Variants in CC2D2A observed in about 807,000 individuals in gnomAD.
CC2D2A encodes the protein coiled-coil and C2 domain containing 2A, also known as coiled-coil and C2 domain-containing protein 2A.
In CC2D2A, 155 loss-of-function variants were observed where a neutral mutation model predicts 212.9. The observed-to-expected ratio is 0.73, with a 90% CI of 0.64 to 0.83. The LOEUF (loss-of-function observed/expected upper bound fraction) is 0.83, where lower values mean the gene tolerates loss of function less well. Among genes scored for constraint, CC2D2A ranks in the 40% least tolerant of loss-of-function variants. CC2D2A has a pLI of 0.00. For synonymous variants in CC2D2A, 667 were observed against 686.5 expected, an observed-to-expected ratio of 0.97 and a Z score of 0.44; for missense variants, 1,856 against 1,956.2, an observed-to-expected ratio of 0.95 and a Z score of 0.97.
intron 4 of CC2D2A, among the ~76,000 whole-genome samples, chr4:15,483,558 A>C (rs1479606487): frequency 6.6e-6 from 1 of 152,212 alleles, no homozygotes; most frequent in African/African-American, 2.4e-5. Flanking sequence ...TGAAAGAAGG[A>C]GTGTCAAAGA....
intron 29 of CC2D2A, among the ~76,000 whole-genome samples, chr4:15,575,795 C>T (rs1720379529): frequency 6.6e-6 from 1 of 152,222 alleles, no homozygotes; most frequent in Non-Finnish European, 1.5e-5. Context: ...CGCCAATAAA[C>T]ATGTTTACAC....
At chr4:15,549,293 A>T (rs1718872299) in intron 17 of CC2D2A, among the ~76,000 whole-genome samples, 1 of 152,162 alleles carries the variant, frequency 6.6e-6, no homozygotes, top group Admixed American at 6.5e-5. Flanking sequence ...GAATTTAGAG[A>T]GTGTGTTTTA....
chr4:15,573,841 G>A (rs898851166), intron 28 of CC2D2A, among the ~76,000 whole-genome samples: 9 of 152,218 alleles, frequency 5.9e-5, no homozygotes, highest in Middle Eastern at 3.4e-3. Context: ...TTTTACTAAT[G>A]AGGAAGCCTC....
At chr4:15,493,069 T>A in intron 4 of CC2D2A, 3 of 363,682 alleles carry the variant, frequency 8.2e-6, no homozygotes, top group Non-Finnish European at 1.6e-5. Context: ...ATTTTTGGGT[T>A]CCCCATTTCT....
At chr4:15,561,797 TTC>T (rs1448207388) in intron 23 of CC2D2A, among the ~76,000 whole-genome samples, 1 of 152,046 alleles carries the variant, frequency 6.6e-6, no homozygotes, top group African/African-American at 2.4e-5. Context: ...TCTAACAAAG[TTC>T]TGTCTCTGAG....
At chr4:15,470,680 TCTCTCTCTC>T in intron 1 of CC2D2A, among the ~76,000 whole-genome samples, 1 of 50,824 alleles carries the variant, frequency 2.0e-5, no homozygotes, top group African/African-American at 6.5e-5. Flanking sequence ...TCTCTCTCTC[TCTCTCTCTC>T]TATATATATA....
intron 6 of CC2D2A, among the ~76,000 whole-genome samples, chr4:15,506,109 C>T (rs1419762647): frequency 6.6e-6 from 1 of 152,008 alleles, no homozygotes; most frequent in African/African-American, 2.4e-5. Flanking sequence ...GATAGGCACT[C>T]AATATTTTAT....
intron 7 of CC2D2A, 40 bp downstream of exon 7, chr4:15,510,280 G>GT (rs1469480756): frequency 1.9e-6 from 3 of 1,556,252 alleles, no homozygotes; most frequent in Admixed American, 1.7e-5. Flanking sequence ...GTTTGTTTGT[G>GT]TTTTTTACAA....
chr4:15,545,246 A>G (rs1156311771), intron 17 of CC2D2A, among the ~76,000 whole-genome samples: 1 of 152,244 alleles, frequency 6.6e-6, no homozygotes, highest in Non-Finnish European at 1.5e-5. Flanking sequence ...GTTAATGCCA[A>G]TGCTATCAAA....
At chr4:15,567,504 C>T (rs1719940032) in intron 25 of CC2D2A, 22 bp downstream of exon 25, 1 of 1,589,432 alleles carries the variant, frequency 6.3e-7, no homozygotes, top group Non-Finnish European at 8.6e-7. Flanking sequence ...TGGACTTCAG[C>T]TTTCCACCTT....
At chr4:15,561,376 A>T (rs1001627330) in intron 23 of CC2D2A, among the ~76,000 whole-genome samples, 1 of 152,176 alleles carries the variant, frequency 6.6e-6, no homozygotes, top group Admixed American at 6.6e-5. Context: ...GACAAAAAAA[A>T]TGTGCAATCC....
intron 1 of CC2D2A, among the ~76,000 whole-genome samples, chr4:15,471,067 A>G (rs1165555066): frequency 6.6e-6 from 1 of 152,120 alleles, no homozygotes; most frequent in African/African-American, 2.4e-5. Flanking sequence ...TGTACATTAT[A>G]TCGAGCTGAT....
intron 4 of CC2D2A, among the ~76,000 whole-genome samples, chr4:15,490,330 A>C (rs187507317): frequency 6.6e-6 from 1 of 152,258 alleles, no homozygotes; most frequent in Admixed American, 6.5e-5. Flanking sequence ...ACAAACACTG[A>C]TCTGTTTTCT....
At chr4:15,553,430 GT>G (rs1719108666) in intron 19 of CC2D2A, 125 bp downstream of exon 19, 2 of 1,143,128 alleles carry the variant, frequency 1.7e-6, no homozygotes, top group East Asian at 2.6e-5. Flanking sequence ...ATTTTCAAGA[GT>G]TTTTTATTCT....
chr4:15,529,260 T>G (rs1421321838), intron 13 of CC2D2A, among the ~76,000 whole-genome samples: 1 of 152,026 alleles, frequency 6.6e-6, no homozygotes, highest in Non-Finnish European at 1.5e-5. Flanking sequence ...TATGTGCATG[T>G]AGTCCCAACT....
chr4:15,587,616 A>G (rs1462007479), intron 31 of CC2D2A, among the ~76,000 whole-genome samples, 200 bp from the exon 32 acceptor site: 3 of 152,192 alleles, frequency 2.0e-5, no homozygotes, highest in Non-Finnish European at 4.4e-5. Context: ...CCACATCATC[A>G]ATGTCAGAGA....
chr4:15,498,509 A>G lies in CC2D2A; in HGVS notation c.248-3920A>G, dbSNP rs1715742066. Among the ~76,000 whole-genome samples the G allele has an allele frequency of 4.6e-5, 7 of 152,332 alleles. No homozygotes were observed. The South Asian group carries it at 1.5e-3, about 32-fold the overall frequency. The stretch of plus-strand genomic sequence containing the variant: ...TTAAGCCCTTCCTCGAGCCTGGCAG[A>G]TCAGTTCTCACCCTCAGGGCTTGAA... On this transcript the variant is annotated intron_variant, in intron 4 of 36. Transcript: ENST00000424120.
chr4:15,535,155 T>C (rs529770168), intron 14 of CC2D2A, among the ~76,000 whole-genome samples: 2 of 152,302 alleles, frequency 1.3e-5, no homozygotes, highest in African/African-American at 4.8e-5. Context: ...TCAAATATGC[T>C]ACCCCACAAA....
intron 33 of CC2D2A, among the ~76,000 whole-genome samples, chr4:15,593,822 T>C (rs1337228032): frequency 6.6e-6 from 1 of 152,188 alleles, no homozygotes; most frequent in African/African-American, 2.4e-5. Flanking sequence ...ACCCAGATTA[T>C]TCAAAACAAG....
Sources: allele counts gnomAD v4.1 joint callset (sites outside exome capture counted in the v4.1 genomes callset), GRCh38; gene constraint gnomAD v4.1.1; transcripts MANE v1.5; gene names NCBI Gene and HGNC (gene_info 2026-07-23, HGNC 2026-07-21).